Variants in CBY2 observed in about 807,000 individuals in gnomAD.
The protein encoded by CBY2 is protein chibby homolog 2.
In CBY2, 23 loss-of-function variants were observed where a neutral mutation model predicts 25.3. The ratio of observed to expected loss-of-function variants is 0.91; its 90% CI spans 0.65 to 1.29. The LOEUF (loss-of-function observed/expected upper bound fraction) is 1.29. Among genes scored for constraint, CBY2 ranks in the 50% most tolerant of loss-of-function variants. The pLI, the probability that CBY2 is intolerant of heterozygous loss-of-function variation, is 0.00. For synonymous variants in CBY2, 279 were observed against 260.2 expected (o/e 1.07, Z -0.70); for missense variants, 642 against 590.7 (o/e 1.09, Z -0.90).
At chr13:45,702,971 A>G in intron 2 of CBY2, 116 bp downstream of exon 2, 1 of 1,149,270 alleles carries the variant, frequency 8.7e-7, no homozygotes. Flanking sequence ...TCAGGGCTTC[A>G]GATTATAGTT....
chr13:45,712,300 T>A (rs2137509955), intron 2 of CBY2, among the ~76,000 whole-genome samples: 1 of 152,368 alleles, frequency 6.6e-6, no homozygotes, highest in Admixed American at 6.5e-5. Context: ...TATCCCAATT[T>A]GAAAATGTGG....
At chr13:45,710,832 T>C (rs1950266307) in intron 2 of CBY2, among the ~76,000 whole-genome samples, 1 of 152,256 alleles carries the variant, frequency 6.6e-6, no homozygotes, top group Non-Finnish European at 1.5e-5. Context: ...TAATGACATG[T>C]GCTTATTGCA....
chr13:45,712,820 T>C (rs1950278404), intron 2 of CBY2, among the ~76,000 whole-genome samples: 1 of 152,216 alleles, frequency 6.6e-6, no homozygotes, highest in African/African-American at 2.4e-5. Flanking sequence ...TGCGTGACAG[T>C]GCTGCTGACG....
At position 45,713,574 on chromosome 13, in the gene CBY2, C is replaced by G. The variant is rs1186574596; in HGVS notation, c.549C>G (p.Arg183=). 4 of 1,613,636 alleles carry G rather than the reference C, an allele frequency of 2.5e-6. No individual in the cohort carries two copies. Among genetic ancestry groups the G allele is most frequent in the East Asian group, 2.2e-5 (1 of 44,816 alleles). Reference sequence around the variant, plus strand: ...TGCGGGAGGAGAACAAGGCCCTGCGCGAGGAGAACCGGATGCTCAGCAAGG... The same window carrying G: ...TGCGGGAGGAGAACAAGGCCCTGCGGGAGGAGAACCGGATGCTCAGCAAGG... The part of the protein sequence containing the change: ...KSLREENKAL[R]EENRMLSKEN... Residue 183 remains arginine, a synonymous_variant, in exon 3 of 3, where the codon CGC becomes CGG. Coordinates refer to ENST00000310521, the MANE Select transcript of CBY2 (RefSeq NM_152719.3). This position sits in a 1 kb window ranked among gnomAD's most constrained non-coding sequence, Gnocchi z 5.0.
rs749889205 is a variant in CBY2 at position 45,713,160 on chromosome 13, G to A, written c.157-22G>A. 163 of 1,578,848 alleles carry A rather than the reference G, an allele frequency of 1.0e-4. No homozygotes were observed. The highest frequency in any genetic ancestry group is 1.3e-4 in the Non-Finnish European group (153 of 1,157,734). ...GTGTCAGTCCCATCGTTAACGCTGG[G>A]CTTTCCCATTCTCTCCCGCAGAGGG... On this transcript the variant is annotated intron_variant, in intron 2 of 2. Transcript: ENST00000310521. This position sits in a 1 kb window ranked among gnomAD's most constrained non-coding sequence, Gnocchi z 5.0.
In CBY2 at chr13:45,714,046, G is replaced by A; in HGVS notation, c.1021G>A (p.Glu341Lys). ...CAACATGTCCGGGCCCTCCGGGGAG[G>A]AGGAGGCCAAGGTGGGCCCGGGCCT... Reference protein sequence around the residue: ...VSNMSGPSGEEEAKVGPGLPD... With the variant: ...VSNMSGPSGEKEAKVGPGLPD... The change falls in exon 3 of 3, where the codon GAG becomes AAG. Residue 341 changes from glutamate (E) to lysine (K), a missense_variant. Glu to Lys is a moderately conservative substitution (Grantham distance 56). Transcript: ENST00000310521. 2.0e-6 allele frequency: 3 copies of A among 1,500,136 alleles called. No individual in the cohort carries two copies. The highest frequency in any genetic ancestry group is 2.7e-6 in the Non-Finnish European group (3 of 1,123,884). 92.9% of individuals were successfully genotyped at this position (1,500,136 alleles called of 1,614,324 possible).
intron 2 of CBY2, among the ~76,000 whole-genome samples, chr13:45,712,272 G>C (rs996227490): frequency 2.0e-5 from 3 of 152,170 alleles, no homozygotes; most frequent in African/African-American, 7.2e-5. Context: ...TCTCTATGAG[G>C]CAAGGAGTAA....
In CBY2 at chr13:45,713,949, C is replaced by A; in HGVS notation, c.924C>A (p.Phe308Leu). ...AGGGCTCCGGCCTCTCCTCCCGCTT[C>A]GAGGAGCCCAAAGGGCCTCCGGCCC... is the stretch of plus-strand genomic sequence containing the variant. The part of the protein sequence containing the change: ...QDQGSGLSSR[F>L]EEPKGPPARQ... Residue 308 changes from phenylalanine to leucine, a missense_variant, in exon 3 of 3, where the codon TTC becomes TTA. Phe to Leu is a conservative substitution (Grantham distance 22). Coordinates refer to ENST00000310521, the MANE Select transcript of CBY2 (RefSeq NM_152719.3). This position sits in a 1 kb window ranked among gnomAD's most constrained non-coding sequence, Gnocchi z 5.0. 6.5e-7 allele frequency: 1 copy of A among 1,532,696 alleles called. No individual in the cohort carries two copies. The highest frequency in any genetic ancestry group is 8.7e-7 in the Non-Finnish European group (1 of 1,144,320). The allele number at this position is 1,532,696 out of a possible 1,614,324, so 94.9% of individuals were successfully genotyped here.
chr13:45,713,898 C>A lies in CBY2; in HGVS notation c.873C>A (p.Pro291=), dbSNP rs1950293439. ...SKPAPSPHEE[P]CSPGLLQDQG... ...CCGCCCCCTCACCCCACGAGGAGCC[C>A]TGCAGCCCCGGGCTGCTGCAGGACC... The change falls in exon 3 of 3, where the codon CCC becomes CCA. Residue 291 remains proline (P), a synonymous_variant. Transcript: ENST00000310521. The surrounding 1 kb of genome is among the most constrained non-coding windows in gnomAD (Gnocchi z 5.0). 8 of 1,534,396 alleles carry A rather than the reference C, an allele frequency of 5.2e-6. No individual in the cohort carries two copies. Among genetic ancestry groups the A allele is most frequent in the Non-Finnish European group, 7.0e-6 (8 of 1,145,236 alleles).
intron 2 of CBY2, among the ~76,000 whole-genome samples, chr13:45,710,431 G>A (rs1950263333): frequency 6.6e-6 from 1 of 152,198 alleles, no homozygotes; most frequent in African/African-American, 2.4e-5. Context: ...GCTGAGGCAG[G>A]AGAATTGCTT....
chr13:45,709,206 A>C (rs560534306), intron 2 of CBY2, among the ~76,000 whole-genome samples: 9 of 152,348 alleles, frequency 5.9e-5, no homozygotes, highest in African/African-American at 1.7e-4. Context: ...TGAATGTGTG[A>C]ATAAAGACCA....
intron 2 of CBY2, among the ~76,000 whole-genome samples, chr13:45,710,661 G>A (rs541549615): frequency 6.6e-6 from 1 of 152,304 alleles, no homozygotes; most frequent in East Asian, 1.9e-4. Flanking sequence ...TCCACAGTGA[G>A]GTTCATTCTG....
chr13:45,713,139 C>A lies in CBY2; in HGVS notation c.157-43C>A. The A allele has an allele frequency of 6.8e-7, 1 of 1,474,480 alleles. No homozygotes were observed. The highest frequency in any genetic ancestry group is 9.3e-7 in the Non-Finnish European group (1 of 1,080,266). 91.3% of individuals were successfully genotyped at this position (1,474,480 alleles called of 1,614,324 possible). ...CTTTGTCAGCCAGCCCCAAGTGTGT[C>A]AGTCCCATCGTTAACGCTGGGCTTT... On this transcript the variant is annotated intron_variant, in intron 2 of 2. Coordinates refer to ENST00000310521, the MANE Select transcript of CBY2 (RefSeq NM_152719.3). The surrounding 1 kb of genome is among the most constrained non-coding windows in gnomAD (Gnocchi z 5.0).
Position 45,714,033 on chromosome 13 carries a change from G to A in CBY2, c.1008G>A (p.Gly336=), listed in dbSNP as rs1292483864. ...ALRKMVSNMS[G]PSGEEEAKVG... ...GGAAGATGGTCAGCAACATGTCCGG[G>A]CCCTCCGGGGAGGAGGAGGCCAAGG... The change falls in exon 3 of 3, where the codon GGG becomes GGA. Residue 336 remains glycine, a synonymous_variant. Transcript: ENST00000310521. The A allele has an allele frequency of 2.7e-6, 4 of 1,490,898 alleles. No homozygotes were observed. In the African/African-American group the frequency reaches 4.2e-5, roughly 16 times the overall value. 92.4% of individuals were successfully genotyped at this position (1,490,898 alleles called of 1,614,324 possible).
rs79707842 is a variant in CBY2 at position 45,713,882 on chromosome 13, C to A, written c.857C>A (p.Ser286Ter). 0.066 allele frequency: 101,523 copies of A among 1,530,572 alleles called. 3,777 individuals carry two copies. Among genetic ancestry groups the A allele is most frequent in the East Asian group, 0.15 (5,940 of 40,720 alleles). 94.8% of individuals were successfully genotyped at this position (1,530,572 alleles called of 1,614,324 possible). The part of the protein sequence containing the change: ...APAEESKPAP[S>*]PHEEPCSPGL... ...GCCGAGGAAAGCAAGCCCGCCCCCT[C>A]ACCCCACGAGGAGCCCTGCAGCCCC... Residue 286 changes from serine (S) to a stop codon, truncating the protein, a stop_gained, in exon 3 of 3, where the codon TCA becomes TAA. Coordinates refer to ENST00000310521, the MANE Select transcript of CBY2 (RefSeq NM_152719.3). LOFTEE classifies it high-confidence loss of function. This position sits in a 1 kb window ranked among gnomAD's most constrained non-coding sequence, Gnocchi z 5.0.
rs1184681038 is a variant in CBY2 at position 45,713,589 on chromosome 13, G to GCTCAGCAAGGAGAACAAGATC, written c.567_587dup (p.Ser190_Leu196dup). 6.2e-6 allele frequency: 10 copies of GCTCAGCAAGGAGAACAAGATC among 1,614,096 alleles called. No homozygotes were observed. Among genetic ancestry groups the GCTCAGCAAGGAGAACAAGATC allele is most frequent in the African/African-American group, 1.3e-5 (1 of 75,026 alleles). On this transcript the variant is annotated inframe_insertion, in exon 3 of 3. Coordinates refer to ENST00000310521, the MANE Select transcript of CBY2 (RefSeq NM_152719.3). This position sits in a 1 kb window ranked among gnomAD's most constrained non-coding sequence, Gnocchi z 5.0. ...AGGCCCTGCGCGAGGAGAACCGGAT[G>GCTCAGCAAGGAGAACAAGATC]CTCAGCAAGGAGAACAAGATCCTAC... is the stretch of plus-strand genomic sequence containing the variant.
At chr13:45,702,642 A>C (rs1950216285) in intron 1 of CBY2, 133 bp from the exon 2 acceptor site, 1 of 898,156 alleles carries the variant, frequency 1.1e-6, no homozygotes. Context: ...TTTCAGACTC[A>C]GACTTTCATA....
rs1471066286 is a variant in CBY2 at position 45,713,639 on chromosome 13, C to A, written c.614C>A (p.Ala205Asp). ...CAGGTCTTCTGGGAGGAGCACAAGG[C>A]CTCGCTGGGCCGAGAGGAGAGCCGG... is the stretch of plus-strand genomic sequence containing the variant. ...ILQVFWEEHK[A>D]SLGREESRAP... The change falls in exon 3 of 3, where the codon GCC (alanine) becomes GAC (aspartate). Residue 205 changes from alanine (A) to aspartate (D), a missense_variant. Coordinates refer to ENST00000310521, the MANE Select transcript of CBY2 (RefSeq NM_152719.3). The surrounding 1 kb of genome is among the most constrained non-coding windows in gnomAD (Gnocchi z 5.0). 1.2e-6 allele frequency: 2 copies of A among 1,613,608 alleles called. No individual in the cohort carries two copies. Among genetic ancestry groups the A allele is most frequent in the Admixed American group, 3.3e-5 (2 of 60,014 alleles).
Position 45,714,538 on chromosome 13 carries a change from A to T in CBY2, c.*166A>T. ...TCAGAGTTTTAATAAAGGTGTGAGG[A>T]GGCTGGGGCCAGTTGACACCAGCAT... On this transcript the variant is annotated 3_prime_UTR_variant, in exon 3 of 3. Coordinates refer to ENST00000310521, the MANE Select transcript of CBY2 (RefSeq NM_152719.3). The T allele has an allele frequency of 3.5e-6, 2 of 568,910 alleles. No homozygotes were observed. The highest frequency in any genetic ancestry group is 6.0e-6 in the Non-Finnish European group (2 of 332,408). 35.2% of individuals were successfully genotyped at this position (568,910 alleles called of 1,614,324 possible).
Sources: allele counts gnomAD v4.1 joint callset (sites outside exome capture counted in the v4.1 genomes callset), GRCh38; gene constraint gnomAD v4.1.1; non-coding constraint Gnocchi (gnomAD v3.1); transcripts MANE v1.5; gene names NCBI Gene and HGNC (gene_info 2026-07-23, HGNC 2026-07-21).